The following SEPTIN14 variants were observed in gnomAD, a reference collection of about 807,000 sequenced individuals.
The protein encoded by SEPTIN14 is septin-14.
In SEPTIN14, 40 loss-of-function variants were observed where a neutral mutation model predicts 53.6. That is an observed-to-expected ratio of 0.75 (90% CI 0.58 to 0.97). The LOEUF (loss-of-function observed/expected upper bound fraction) is 0.97. Ranked by LOEUF, SEPTIN14 falls within the 50% of genes least tolerant of loss-of-function variation. The probability of loss-of-function intolerance (pLI) is 0.00; values close to 1 mark genes in which losing one functional copy is unlikely to be tolerated. For missense variants in SEPTIN14, 471 were observed against 508.2 expected (o/e 0.93, Z 0.70); for synonymous variants, 138 against 166.8 (o/e 0.83, Z 1.33).
chr7:55,830,638 A>C (rs10235339), intron 6 of SEPTIN14, among the ~76,000 whole-genome samples: 40,964 of 150,414 alleles, frequency 0.27, 6,896 homozygotes, highest in East Asian at 0.46. Context: ...CCACCACGCC[A>C]GGCCCCAACT....
chr7:55,821,174 C>A lies in SEPTIN14; in HGVS notation c.721-1951G>T, dbSNP rs187838260. 1.4e-3 allele frequency among the ~76,000 whole-genome samples: 209 copies of A among 152,210 alleles called. 2 individuals are homozygous for A. The highest frequency in any genetic ancestry group is 0.01 in the Middle Eastern group (3 of 294). On this transcript the variant is annotated intron_variant, in intron 6 of 9. Coordinates refer to ENST00000388975, the MANE Select transcript of SEPTIN14 (RefSeq NM_207366.3). ...GAGGCTCCCTTTTACCACTCAAGAC[C>A]TACTTGTGAAATAGGGGCCCTGCCT...
intron 6 of SEPTIN14, among the ~76,000 whole-genome samples, chr7:55,832,249 T>G (rs977131457): frequency 7.4e-6 from 1 of 135,298 alleles, no homozygotes; most frequent in Non-Finnish European, 1.6e-5. Flanking sequence ...ACACACAAAA[T>G]AAGATATAAA....
At chr7:55,847,042 G>A (rs1052707220) in intron 2 of SEPTIN14, among the ~76,000 whole-genome samples, 8 of 151,948 alleles carry the variant, frequency 5.3e-5, no homozygotes, top group South Asian at 2.1e-4. Context: ...AAAATTAGCC[G>A]GGCATGCTTG....
At chr7:55,857,730 G>A (rs1422071670) in intron 2 of SEPTIN14, among the ~76,000 whole-genome samples, 2 of 150,940 alleles carry the variant, frequency 1.3e-5, no homozygotes, top group Non-Finnish European at 3.0e-5. Flanking sequence ...TGGGACTACA[G>A]GCGCCCGCCA....
At chr7:55,809,770 TAA>T (rs71561969) in intron 7 of SEPTIN14, among the ~76,000 whole-genome samples, 66 of 121,732 alleles carry the variant, frequency 5.4e-4, no homozygotes, top group African/African-American at 1.2e-3. Flanking sequence ...AAATAAAAAT[TAA>T]AAAAAAAAAA....
At chr7:55,819,884 A>C (rs923027888) in intron 6 of SEPTIN14, among the ~76,000 whole-genome samples, 1 of 152,218 alleles carries the variant, frequency 6.6e-6, no homozygotes, top group African/African-American at 2.4e-5. Flanking sequence ...AATAACTTTT[A>C]ACTCTGGTAT....
At chr7:55,831,488 T>C (rs1789108391) in intron 6 of SEPTIN14, among the ~76,000 whole-genome samples, 1 of 152,158 alleles carries the variant, frequency 6.6e-6, no homozygotes, top group African/African-American at 2.4e-5. Context: ...GACGTATTAA[T>C]GACTTAAATG....
At chr7:55,838,322 G>T (rs1225158361) in intron 5 of SEPTIN14, among the ~76,000 whole-genome samples, 1 of 152,122 alleles carries the variant, frequency 6.6e-6, no homozygotes, top group Non-Finnish European at 1.5e-5. Flanking sequence ...CTGTAACCAG[G>T]ATCACAAAAG....
intron 6 of SEPTIN14, among the ~76,000 whole-genome samples, chr7:55,823,373 C>CA (rs1427354832): frequency 6.6e-6 from 1 of 152,212 alleles, no homozygotes; most frequent in Non-Finnish European, 1.5e-5. Flanking sequence ...AAACAGCCCC[C>CA]AGGTCCCCTC....
intron 6 of SEPTIN14, among the ~76,000 whole-genome samples, chr7:55,831,675 G>A (rs1789110491): frequency 6.6e-6 from 1 of 152,122 alleles, no homozygotes; most frequent in Admixed American, 6.6e-5. Flanking sequence ...AGAGTAAACA[G>A]ACAACCTACA....
At chr7:55,836,737 TCAA>T (rs58358966) in intron 5 of SEPTIN14, among the ~76,000 whole-genome samples, 12 of 152,022 alleles carry the variant, frequency 7.9e-5, no homozygotes, top group African/African-American at 1.4e-4. Context: ...AAACTCCGTC[TCAA>T]CAACAACAAC....
At chr7:55,821,631 C>CAG (rs3067298) in intron 6 of SEPTIN14, among the ~76,000 whole-genome samples, 30,886 of 151,892 alleles carry the variant, frequency 0.2, 4,053 homozygotes, top group East Asian at 0.43. Flanking sequence ...GAATCAAATA[C>CAG]AGAGTCCAGG....
rs1471081702 is a variant in SEPTIN14 at position 55,798,090 on chromosome 7, C to G, written c.1120-1998G>C. ...CATTCAGCAAGGCCTCCCGTGGCCTCGGCATGTTCAGGTAGAGGAACGTGG... is the reference window on the plus strand; with the variant it reads ...CATTCAGCAAGGCCTCCCGTGGCCTGGGCATGTTCAGGTAGAGGAACGTGG... On this transcript the variant is annotated intron_variant, in intron 9 of 9. Transcript: ENST00000388975. 2.7e-5 allele frequency: 5 copies of G among 184,162 alleles called. No individual in the cohort carries two copies. The South Asian group carries it at 5.7e-4, about 21-fold the overall frequency. 11.4% of individuals were successfully genotyped at this position (184,162 alleles called of 1,614,324 possible).
At chr7:55,808,497 A>C (rs769700838) in intron 7 of SEPTIN14, among the ~76,000 whole-genome samples, 17 of 152,172 alleles carry the variant, frequency 1.1e-4, no homozygotes, top group Non-Finnish European at 1.8e-4. Flanking sequence ...ATATATATAC[A>C]CTGCTGGTGG....
intron 6 of SEPTIN14, among the ~76,000 whole-genome samples, chr7:55,830,336 TATATATATA>T (rs1562713335): frequency 8.1e-5 from 3 of 36,816 alleles, no homozygotes; most frequent in African/African-American, 3.8e-4. Flanking sequence ...TATATATATA[TATATATATA>T]TATATTTTTT....
chr7:55,811,075 C>A, intron 7 of SEPTIN14: 1 of 460,770 alleles, frequency 2.2e-6, no homozygotes. Flanking sequence ...ACTTGTATCA[C>A]CTTTCGTGTT....
intron 6 of SEPTIN14, among the ~76,000 whole-genome samples, chr7:55,826,656 A>G (rs566744364): frequency 6.6e-6 from 1 of 151,978 alleles, no homozygotes; most frequent in Non-Finnish European, 1.5e-5. Context: ...AAATTAGCCA[A>G]TGTGATATAG....
At chr7:55,833,522 A>C (rs1584264204) in intron 6 of SEPTIN14, among the ~76,000 whole-genome samples, 2 of 152,128 alleles carry the variant, frequency 1.3e-5, no homozygotes, top group East Asian at 3.9e-4. Flanking sequence ...AGCCTGGCCA[A>C]CATGGTGAAA....
intron 6 of SEPTIN14, among the ~76,000 whole-genome samples, chr7:55,830,676 T>A (rs988847504): frequency 6.6e-6 from 1 of 151,826 alleles, no homozygotes; most frequent in East Asian, 1.9e-4. Flanking sequence ...TTGTAAATAT[T>A]GGTGAACAGT....
Sources: allele counts gnomAD v4.1 joint callset (sites outside exome capture counted in the v4.1 genomes callset), GRCh38; gene constraint gnomAD v4.1.1; transcripts MANE v1.5; gene names NCBI Gene and HGNC (gene_info 2026-07-23, HGNC 2026-07-21).